MET: variants seen among roughly 807,000 people sequenced by gnomAD.
MET encodes the protein MET proto-oncogene, receptor tyrosine kinase.
Under a neutral mutation model 133.1 loss-of-function variants are expected in MET, and 48 were observed. The observed-to-expected ratio is 0.36, with a 90% CI of 0.29 to 0.46. The LOEUF (loss-of-function observed/expected upper bound fraction) is 0.46, where lower values mean the gene tolerates loss of function less well. Among genes scored for constraint, MET ranks in the 20% least tolerant of loss-of-function variants. The pLI is 1.00. For synonymous variants in MET, 628 were observed against 616.5 expected (o/e 1.02, Z -0.28); for missense variants, 1,442 against 1,695.9 (o/e 0.85, Z 2.63).
At chr7:116,794,897 T>C (rs181751458) in intron 19 of MET, among the ~76,000 whole-genome samples, 116 of 152,334 alleles carry the variant, frequency 7.6e-4, no homozygotes, top group African/African-American at 2.7e-3. Context: ...GCATGTTTAT[T>C]GAAGTTCAGT....
At chr7:116,790,219 C>T (rs535422013) in intron 19 of MET, among the ~76,000 whole-genome samples, 3 of 152,230 alleles carry the variant, frequency 2.0e-5, no homozygotes, top group South Asian at 2.1e-4. Flanking sequence ...CAATAGATTC[C>T]TAGAACTTTT....
At position 116,796,231 on chromosome 7, in the gene MET, A is replaced by G. The variant is rs1421028269; in HGVS notation, c.*107A>G. 5 of 964,448 alleles carry G rather than the reference A, an allele frequency of 5.2e-6. No individual in the cohort carries two copies. The African/African-American group carries it at 6.4e-5, about 12-fold the overall frequency. The allele number at this position is 964,448 out of a possible 1,614,324, so 59.7% of individuals were successfully genotyped here. A position where few individuals can be genotyped will look rare whatever the true frequency, so the allele number is the denominator to read the frequency against. ...TCTTTGCTCTTGCCAAAATTGCACT[A>G]TTATAGGACTTGTATTGTTATTTAA... On this transcript the variant is annotated 3_prime_UTR_variant, in exon 21 of 21. Transcript: ENST00000397752.
intron 12 of MET, 23 bp from the exon 13 acceptor site, chr7:116,771,475 T>G: frequency 6.2e-7 from 1 of 1,613,442 alleles, no homozygotes; most frequent in Non-Finnish European, 8.5e-7. Context: ...AAATGCTGAC[T>G]TTTCTTTATT....
At chr7:116,742,801 CTTAA>C in intron 5 of MET, among the ~76,000 whole-genome samples, 1 of 152,328 alleles carries the variant, frequency 6.6e-6, no homozygotes, top group Middle Eastern at 3.4e-3. Context: ...GTCAGTGAGG[CTTAA>C]GCTGCAGTTA....
At chr7:116,749,393 C>T (rs1286621135) in intron 5 of MET, among the ~76,000 whole-genome samples, 4 of 152,190 alleles carry the variant, frequency 2.6e-5, no homozygotes, top group African/African-American at 4.8e-5. Context: ...AAAAGGCCTT[C>T]GATAAAATTC....
chr7:116,793,610 C>T (rs888450154), intron 19 of MET, among the ~76,000 whole-genome samples: 2 of 151,990 alleles, frequency 1.3e-5, no homozygotes, highest in Non-Finnish European at 2.9e-5. Flanking sequence ...AATAAGAACA[C>T]ATATGCAGCC....
chr7:116,763,042 TTCTC>T lies in MET; in HGVS notation c.2365-6_2365-3del. On this transcript the variant is annotated splice_polypyrimidine_tract_variant and splice_region_variant and intron_variant, in intron 10 of 20. Coordinates refer to ENST00000397752, the MANE Select transcript of MET (RefSeq NM_000245.4). The stretch of plus-strand genomic sequence containing the variant: ...CTGTTTACAGTGGATAATTGTGTCT[TTCTC>T]TAGGCATGTCAACATCGCTCTAATT... 6.2e-7 allele frequency: 1 copy of T among 1,611,892 alleles called. No homozygotes were observed. Among genetic ancestry groups the T allele is most frequent in the Non-Finnish European group, 8.5e-7 (1 of 1,178,038 alleles).
At chr7:116,734,564 G>A (rs1392001441) in intron 3 of MET, among the ~76,000 whole-genome samples, 3 of 152,176 alleles carry the variant, frequency 2.0e-5, no homozygotes, top group Admixed American at 2.0e-4. Context: ...ATCTTGTACA[G>A]GTGCAGCTAT....
At chr7:116,768,510 G>A (rs1379950354) in intron 11 of MET, among the ~76,000 whole-genome samples, 1 of 152,094 alleles carries the variant, frequency 6.6e-6, no homozygotes, top group Non-Finnish European at 1.5e-5. Flanking sequence ...TAAGGATAGG[G>A]TTTGTCTATA....
intron 14 of MET, 64 bp from the exon 15 acceptor site, chr7:116,774,817 T>C: frequency 8.0e-7 from 1 of 1,254,086 alleles, no homozygotes; most frequent in African/African-American, 1.5e-5. Context: ...AAGCTCTTCC[T>C]GTTTCAGTCC....
At chr7:116,790,846 G>A (rs1298884227) in intron 19 of MET, among the ~76,000 whole-genome samples, 1 of 152,196 alleles carries the variant, frequency 6.6e-6, no homozygotes, top group African/African-American at 2.4e-5. Flanking sequence ...GGAGGCCGAG[G>A]AGGGCAGATC....
chr7:116,716,503 AAG>A (rs1169229138), intron 2 of MET, among the ~76,000 whole-genome samples: 1 of 151,132 alleles, frequency 6.6e-6, no homozygotes, highest in African/African-American at 2.4e-5. Context: ...GAAAGAAAGA[AAG>A]AAAGAAAGAA....
In MET at chr7:116,757,463, T is replaced by C; in HGVS notation, c.1889T>C (p.Met630Thr). The change falls in exon 7 of 21, where the codon ATG becomes ACG. Residue 630 changes from methionine (M) to threonine (T), a missense_variant. By Grantham distance (81) the Met-to-Thr change is moderately conservative. Around this residue, in one of 6 missense-constraint regions of MET, gnomAD observed 762 missense variants for 792.4 expected, o/e 0.96. Transcript: ENST00000397752. ...NTLKCTVGPA[M>T]NKHFNMSIII... ...TTGAAATGCACAGTTGGTCCTGCCA[T>C]GAATAAGCATTTCAATATGTCCATA... The C allele has an allele frequency of 2.5e-6, 4 of 1,613,562 alleles. 1 individual carries two copies. Among genetic ancestry groups the C allele is most frequent in the Non-Finnish European group, 3.4e-6 (4 of 1,179,896 alleles).
intron 5 of MET, among the ~76,000 whole-genome samples, chr7:116,751,464 C>G (rs1387766820): frequency 6.6e-6 from 1 of 152,078 alleles, no homozygotes; most frequent in Non-Finnish European, 1.5e-5. Context: ...GGAGAAATAC[C>G]TAATGTAGAT....
chr7:116,702,246 A>G (rs1791608015), intron 2 of MET, among the ~76,000 whole-genome samples: 1 of 152,174 alleles, frequency 6.6e-6, no homozygotes, highest in African/African-American at 2.4e-5. Flanking sequence ...GGAACTTGCC[A>G]ACATAGTCTT....
chr7:116,756,358 C>T (rs181075269), intron 6 of MET, among the ~76,000 whole-genome samples: 24 of 152,242 alleles, frequency 1.6e-4, no homozygotes, highest in African/African-American at 5.8e-4. Context: ...CCCATTCTAT[C>T]AGGTGGTTAT....
At chr7:116,746,445 A>T (rs1458672778) in intron 5 of MET, among the ~76,000 whole-genome samples, 3 of 152,236 alleles carry the variant, frequency 2.0e-5, no homozygotes, top group African/African-American at 7.2e-5. Context: ...TACCCAAAGG[A>T]TTATAAAGCA....
chr7:116,739,133 C>G (rs1793350150), intron 3 of MET, among the ~76,000 whole-genome samples: 1 of 152,144 alleles, frequency 6.6e-6, no homozygotes, highest in African/African-American at 2.4e-5. Context: ...TCTAAGTGTT[C>G]ATGTAAGATA....
In MET at chr7:116,699,135, C is replaced by T. The variant is rs1584875653; in HGVS notation, c.51C>T (p.Thr17=). Residue 17 remains threonine (T), a synonymous_variant, in exon 2 of 21, where the codon ACC becomes ACT. Coordinates refer to ENST00000397752, the MANE Select transcript of MET (RefSeq NM_000245.4). ...LAPGILVLLF[T]LVQRSNGECK... ...CTGGCATCCTCGTGCTCCTGTTTACCTTGGTGCAGAGGAGCAATGGGGAGT... is the reference window on the plus strand; with the variant it reads ...CTGGCATCCTCGTGCTCCTGTTTACTTTGGTGCAGAGGAGCAATGGGGAGT... The T allele has an allele frequency of 1.9e-6, 3 of 1,613,890 alleles. No individual in the cohort carries two copies. Among genetic ancestry groups the T allele is most frequent in the Non-Finnish European group, 2.5e-6 (3 of 1,179,880 alleles).
Sources: gnomAD v4.1 joint callset for allele counts (sites outside exome capture counted in the v4.1 genomes callset) on GRCh38, gnomAD v4.1.1 for gene constraint, gnomAD v4.1.1 regional missense constraint, MANE v1.5 for transcripts, NCBI Gene and HGNC (gene_info 2026-07-23, HGNC 2026-07-21) for gene names.